KIF23: variants seen among roughly 807,000 people sequenced by gnomAD.
KIF23 encodes the protein kinesin family member 23.
Under a neutral mutation model 137.5 loss-of-function variants are expected in KIF23, and 30 were observed. The observed-to-expected ratio is 0.22, with a 90% CI of 0.16 to 0.30. The LOEUF is 0.30. Among genes scored for constraint, KIF23 ranks in the 10% least tolerant of loss-of-function variants. KIF23 has a pLI of 1.00. For synonymous variants in KIF23, 367 were observed against 391.1 expected (o/e 0.94, Z 0.73); for missense variants, 920 against 1,194.3 (o/e 0.77, Z 3.38).
At position 69,417,346 on chromosome 15, in the gene KIF23, C is replaced by T. The variant is rs182872111; in HGVS notation, c.82-37C>T. 1,325 of 1,524,980 alleles carry T rather than the reference C, an allele frequency of 8.7e-4. 13 individuals carry two copies. The African/African-American group carries it at 0.014, about 16-fold the overall frequency. The allele number at this position is 1,524,980 out of a possible 1,614,324, so 94.5% of individuals were successfully genotyped here. ...TTAAGTGAAAAATCAGGCAAAAGGT[C>T]GAACTTTCTTCTTAAAGCACCTTCC... On this transcript the variant is annotated intron_variant, in intron 2 of 23. Transcript: ENST00000679126.
chr15:69,417,468 C>T lies in KIF23; in HGVS notation c.167C>T (p.Thr56Ile), dbSNP rs767848959. The change falls in exon 3 of 24, where the codon ACT becomes ATT. Residue 56 changes from threonine (T) to isoleucine (I), a missense_variant. Transcript: ENST00000679126. Reference protein sequence around the residue: ...VINNTTVQLHTPEGYRLNRNG... With the variant: ...VINNTTVQLHIPEGYRLNRNG... ...AATAATACAACTGTTCAGCTTCATACTCCTGAGGGCTACAGACTCAACCGA... is the reference window on the plus strand; with the variant it reads ...AATAATACAACTGTTCAGCTTCATATTCCTGAGGGCTACAGACTCAACCGA... 5.0e-6 allele frequency: 8 copies of T among 1,613,746 alleles called. No homozygotes were observed. The Admixed American group carries it at 1.3e-4, about 27-fold the overall frequency.
chr15:69,435,785 A>G lies in KIF23; in HGVS notation c.1314+14A>G, dbSNP rs2057463183. On this transcript the variant is annotated intron_variant, in intron 13 of 23. Transcript: ENST00000679126. ...GAAGAAAACTTGGTAATTTTAATGT[A>G]TTTGTCCTATAAAGTCTTGAGTTTT... 2 of 1,610,790 alleles carry G rather than the reference A, an allele frequency of 1.2e-6. No individual in the cohort carries two copies. Among genetic ancestry groups the G allele is most frequent in the Non-Finnish European group, 1.7e-6 (2 of 1,179,278 alleles).
chr15:69,446,401 A>G lies in KIF23; in HGVS notation c.2838+37A>G, dbSNP rs576990099. 1.6e-5 allele frequency: 24 copies of G among 1,547,130 alleles called. No individual in the cohort carries two copies. The South Asian group carries it at 2.4e-4, about 15-fold the overall frequency. The stretch of plus-strand genomic sequence containing the variant: ...ATTAAATATTTGTCTGCCTACTAAA[A>G]TTAGGTTTGTCATGTTTTAAACCCC... On this transcript the variant is annotated intron_variant, in intron 22 of 23. Transcript: ENST00000679126.
chr15:69,437,746 A>G (rs944633702), intron 15 of KIF23, among the ~76,000 whole-genome samples: 2 of 152,136 alleles, frequency 1.3e-5, no homozygotes, highest in African/African-American at 4.8e-5. Flanking sequence ...GACGTGAGCC[A>G]CCATGCCTGG....
intron 19 of KIF23, among the ~76,000 whole-genome samples, chr15:69,443,287 G>A (rs2057664634): frequency 7.1e-6 from 1 of 141,176 alleles, no homozygotes; most frequent in African/African-American, 2.6e-5. Context: ...TTTGGCCTGT[G>A]ATAGACTTTT....
chr15:69,421,788 C>T (rs1239304718), intron 4 of KIF23, 36 bp downstream of exon 4: 2 of 1,457,942 alleles, frequency 1.4e-6, no homozygotes, highest in African/African-American at 1.4e-5. Flanking sequence ...TTAGATTTTC[C>T]TTTTTCTCCT....
chr15:69,414,451 G>A lies in KIF23; in HGVS notation c.-15G>A. 1.3e-6 allele frequency: 2 copies of A among 1,587,284 alleles called. No individual in the cohort carries two copies. Among genetic ancestry groups the A allele is most frequent in the Non-Finnish European group, 1.7e-6 (2 of 1,167,214 alleles). On this transcript the variant is annotated 5_prime_UTR_variant, in exon 1 of 24. It adds an upstream start codon to the 5' untranslated region. Transcript: ENST00000679126. ...CGTCCCGCATGCGCGTTTGGGCGGC[G>A]TGGAGCCTGCTGCCATGAAGTCAGC...
At chr15:69,422,194 G>A in intron 5 of KIF23, 66 bp downstream of exon 5, 1 of 1,552,592 alleles carries the variant, frequency 6.4e-7, no homozygotes, top group Non-Finnish European at 8.8e-7. Context: ...TACAGTAGTA[G>A]TAAAGAAGAA....
rs535808222 is a variant in KIF23 at position 69,417,486 on chromosome 15, T to C, written c.185T>C (p.Leu62Pro). 1 of 1,613,758 alleles carries C rather than the reference T, an allele frequency of 6.2e-7. No homozygotes were observed. Among genetic ancestry groups the C allele is most frequent in the Non-Finnish European group, 8.5e-7 (1 of 1,179,828 alleles). Residue 62 changes from leucine (L) to proline (P), a missense_variant, in exon 3 of 24, where the codon CTC becomes CCC. By Grantham distance (98) the Leu-to-Pro change is moderately conservative. Around this residue, in one of 4 missense-constraint regions of KIF23, gnomAD observed 124 missense variants for 122.0 expected, o/e 1.02. Coordinates refer to ENST00000679126, the MANE Select transcript of KIF23 (RefSeq NM_001367805.3). Reference sequence around the variant, plus strand: ...CTTCATACTCCTGAGGGCTACAGACTCAACCGAAATGGAGACTATAAGGAG... The same window carrying C: ...CTTCATACTCCTGAGGGCTACAGACCCAACCGAAATGGAGACTATAAGGAG... ...VQLHTPEGYR[L>P]NRNGDYKETQ...
chr15:69,448,029 A>C lies in KIF23; in HGVS notation c.*222A>C. Reference sequence around the variant, plus strand: ...GTATAGTATATGTTTTGCCATATTTAATATTAATAGCAGAGGAAGACTCCT... The same window carrying C: ...GTATAGTATATGTTTTGCCATATTTCATATTAATAGCAGAGGAAGACTCCT... On this transcript the variant is annotated 3_prime_UTR_variant, in exon 24 of 24. Transcript: ENST00000679126. 1 of 369,486 alleles carries C rather than the reference A, an allele frequency of 2.7e-6. No individual in the cohort carries two copies. 22.9% of individuals were successfully genotyped at this position (369,486 alleles called of 1,614,324 possible). A position where few individuals can be genotyped will look rare whatever the true frequency, so the allele number is the denominator to read the frequency against.
Position 69,421,657 on chromosome 15 carries a change from C to T in KIF23, c.221C>T (p.Ser74Leu), listed in dbSNP as rs377013495. 1.0e-5 allele frequency: 16 copies of T among 1,607,376 alleles called. No homozygotes were observed. Among genetic ancestry groups the T allele is most frequent in the Non-Finnish European group, 1.3e-5 (15 of 1,174,220 alleles). Reference sequence around the variant, plus strand: ...TTTCTCTCTCCACAGACTCAGTATTCATTTAAACAAGTATTTGGCACTCAC... The same window carrying T: ...TTTCTCTCTCCACAGACTCAGTATTTATTTAAACAAGTATTTGGCACTCAC... ...RNGDYKETQYSFKQVFGTHTT... is the reference protein window; with the variant it reads ...RNGDYKETQYLFKQVFGTHTT... Residue 74 changes from serine (S) to leucine (L), a missense_variant, in exon 4 of 24, where the codon TCA becomes TTA. Physicochemically the swap from Ser to Leu is moderately radical, Grantham distance 145. This residue lies in a region of KIF23 where 124 missense variants were observed against 122.0 expected (regional missense o/e 1.02). Transcript: ENST00000679126.
intron 6 of KIF23, 40 bp downstream of exon 6, chr15:69,422,475 A>G (rs764813475): frequency 1.7e-6 from 2 of 1,152,762 alleles, no homozygotes; most frequent in Non-Finnish European, 2.6e-6. Flanking sequence ...GCCTAGGGGC[A>G]CAGGATTCTT....
chr15:69,445,596 GTTC>G (rs2057724167), intron 20 of KIF23, among the ~76,000 whole-genome samples: 1 of 149,150 alleles, frequency 6.7e-6, no homozygotes, highest in African/African-American at 2.5e-5. Flanking sequence ...TAGAGTTTTT[GTTC>G]TTATTATAAT....
Position 69,414,470 on chromosome 15 carries a change from A to G in KIF23, c.5A>G (p.Lys2Arg). Residue 2 changes from lysine to arginine, a missense_variant, in exon 1 of 24, where the codon AAG (lysine) becomes AGG (arginine). Around this residue, in one of 4 missense-constraint regions of KIF23, gnomAD observed 124 missense variants for 122.0 expected, o/e 1.02. Coordinates refer to ENST00000679126, the MANE Select transcript of KIF23 (RefSeq NM_001367805.3). ...GGCGGCGTGGAGCCTGCTGCCATGA[A>G]GTCAGCGTGAGTACGAGGCCGCCGA... M[K>R]SARAKTPRKP... 6.3e-7 allele frequency: 1 copy of G among 1,587,532 alleles called. No homozygotes were observed. Among genetic ancestry groups the G allele is most frequent in the Non-Finnish European group, 8.6e-7 (1 of 1,167,214 alleles).
At chr15:69,417,235 G>A (rs1372242046) in intron 2 of KIF23, 148 bp from the exon 3 acceptor site, 1 of 602,406 alleles carries the variant, frequency 1.7e-6, no homozygotes, top group Non-Finnish European at 2.7e-6. Flanking sequence ...TCAAGTAGCA[G>A]ATTTTAATTT....
chr15:69,443,960 AT>A (rs1187741876), intron 19 of KIF23: 10 of 76,422 alleles, frequency 1.3e-4, no homozygotes, highest in South Asian at 8.2e-4. Context: ...ATATATATAT[AT>A]TTTTGTTTGT....
chr15:69,426,624 G>C (rs539105193), intron 10 of KIF23, 167 bp downstream of exon 10: 1 of 668,970 alleles, frequency 1.5e-6, no homozygotes, highest in Admixed American at 3.0e-5. Flanking sequence ...GTGTACCTGA[G>C]GCAGGAGGAT....
In KIF23 at chr15:69,444,379, T is replaced by A. The variant is rs1423903803; in HGVS notation, c.2422-411T>A. 1.9e-5 allele frequency: 3 copies of A among 157,582 alleles called. No homozygotes were observed. Among genetic ancestry groups the A allele is most frequent in the African/African-American group, 7.2e-5 (3 of 41,556 alleles). 9.8% of individuals were successfully genotyped at this position (157,582 alleles called of 1,614,324 possible). ...TTGTTTTCTGTTTTGTTTAGAAGCCTAGAAAATGTGTAGGGCTTTCATTGA... is the reference window on the plus strand; with the variant it reads ...TTGTTTTCTGTTTTGTTTAGAAGCCAAGAAAATGTGTAGGGCTTTCATTGA... On this transcript the variant is annotated intron_variant, in intron 19 of 23. Coordinates refer to ENST00000679126, the MANE Select transcript of KIF23 (RefSeq NM_001367805.3). The surrounding 1 kb of genome is among the most constrained non-coding windows in gnomAD (Gnocchi z 4.2).
intron 17 of KIF23, 48 bp from the exon 18 acceptor site, chr15:69,440,260 G>A (rs376574427): frequency 5.7e-5 from 89 of 1,570,226 alleles, no homozygotes; most frequent in Middle Eastern, 1.7e-4. Flanking sequence ...TGGTGTACTC[G>A]TTTGCTGTGA....
Sources: allele counts gnomAD v4.1 joint callset (sites outside exome capture counted in the v4.1 genomes callset), GRCh38; gene constraint gnomAD v4.1.1; regional missense constraint gnomAD v4.1.1; non-coding constraint Gnocchi (gnomAD v3.1); transcripts MANE v1.5; gene names NCBI Gene and HGNC (gene_info 2026-07-23, HGNC 2026-07-21).